Variants in ADAM18 observed in about 807,000 individuals in gnomAD.
ADAM18 encodes the protein disintegrin and metalloproteinase domain-containing protein 18.
ADAM18 carries 117 observed loss-of-function variants against 94.4 expected under a neutral mutation model. The observed-to-expected ratio is 1.24, with a 90% CI of 1.07 to 1.45. The LOEUF (loss-of-function observed/expected upper bound fraction) is 1.45, where lower values mean the gene tolerates loss of function less well. ADAM18 is among the 40% of genes most tolerant of loss of function. ADAM18 has a pLI of 0.00. For synonymous variants in ADAM18, 327 were observed against 291.6 expected (o/e 1.12, Z -1.24); for missense variants, 936 against 880.0 (o/e 1.06, Z -0.81).
chr8:39,648,154 T>C (rs971699058), intron 11 of ADAM18, among the ~76,000 whole-genome samples, 190 bp from the exon 12 acceptor site: 3 of 152,220 alleles, frequency 2.0e-5, no homozygotes, highest in Non-Finnish European at 4.4e-5. Context: ...AAATAGGTTT[T>C]TAATGCAATT....
At chr8:39,613,316 A>G (rs1819336126) in intron 6 of ADAM18, among the ~76,000 whole-genome samples, 3 of 152,344 alleles carry the variant, frequency 2.0e-5, no homozygotes, top group East Asian at 3.9e-4. Flanking sequence ...GAACAAAGCC[A>G]TGGGCCTGAT....
chr8:39,603,034 T>C (rs1401415998), intron 2 of ADAM18, among the ~76,000 whole-genome samples: 1 of 150,046 alleles, frequency 6.7e-6, no homozygotes, highest in African/African-American at 2.4e-5. Flanking sequence ...AATTGTTCTA[T>C]CTTGCACACT....
intron 10 of ADAM18, among the ~76,000 whole-genome samples, chr8:39,640,452 A>G (rs141758614): frequency 3.9e-5 from 6 of 152,030 alleles, no homozygotes; most frequent in East Asian, 1.9e-4. Flanking sequence ...GGTTGATTCA[A>G]TGTCTTTGCT....
At chr8:39,614,236 A>C (rs1314181185) in intron 6 of ADAM18, among the ~76,000 whole-genome samples, 1 of 152,198 alleles carries the variant, frequency 6.6e-6, no homozygotes, top group African/African-American at 2.4e-5. Flanking sequence ...GGGACAGGCC[A>C]CCTACAAAGA....
At chr8:39,637,371 A>G (rs772274952) in intron 8 of ADAM18, 36 bp downstream of exon 8, 16 of 1,565,474 alleles carry the variant, frequency 1.0e-5, no homozygotes, top group Non-Finnish European at 1.2e-5. Context: ...CATTTTCATG[A>G]AAGTTTCTTT....
At chr8:39,618,680 C>T (rs1819519164) in intron 6 of ADAM18, among the ~76,000 whole-genome samples, 1 of 152,140 alleles carries the variant, frequency 6.6e-6, no homozygotes, top group Non-Finnish European at 1.5e-5. Context: ...AGAGCCGTGG[C>T]AAGATGAGGG....
chr8:39,636,926 A>C (rs1429586121), intron 7 of ADAM18, among the ~76,000 whole-genome samples: 2 of 150,722 alleles, frequency 1.3e-5, no homozygotes, highest in Non-Finnish European at 3.0e-5. Flanking sequence ...GGCTTATTTC[A>C]CTTAGCATAA....
intron 17 of ADAM18, among the ~76,000 whole-genome samples, chr8:39,700,216 A>G (rs2129581097): frequency 6.6e-6 from 1 of 152,352 alleles, no homozygotes; most frequent in South Asian, 2.1e-4. Flanking sequence ...AGAAATTTTA[A>G]CATCAAATTT....
At chr8:39,725,319 A>G (rs1483494481) in intron 19 of ADAM18, among the ~76,000 whole-genome samples, 2 of 152,118 alleles carry the variant, frequency 1.3e-5, no homozygotes, top group African/African-American at 4.8e-5. Flanking sequence ...CCCAAATTTT[A>G]TATTATTGTT....
At chr8:39,589,755 G>A (rs1295934235) in intron 2 of ADAM18, among the ~76,000 whole-genome samples, 1 of 151,934 alleles carries the variant, frequency 6.6e-6, no homozygotes, top group Non-Finnish European at 1.5e-5. Context: ...GTACTCCTGA[G>A]TCATATTCTA....
intron 2 of ADAM18, among the ~76,000 whole-genome samples, chr8:39,591,196 T>C (rs1376772070): frequency 6.6e-6 from 1 of 152,200 alleles, no homozygotes; most frequent in East Asian, 1.9e-4. Flanking sequence ...TGCTGACTGA[T>C]CAGGGTGGTG....
At chr8:39,630,250 C>G (rs1819895956) in intron 7 of ADAM18, among the ~76,000 whole-genome samples, 1 of 151,402 alleles carries the variant, frequency 6.6e-6, no homozygotes, top group South Asian at 2.1e-4. Flanking sequence ...TATATATTTA[C>G]TAAATGCAAA....
chr8:39,606,697 G>A (rs1046337296), intron 3 of ADAM18, among the ~76,000 whole-genome samples: 1 of 152,086 alleles, frequency 6.6e-6, no homozygotes, highest in African/African-American at 2.4e-5. Flanking sequence ...ACTGGTGTCC[G>A]TGTGAAGAGA....
At chr8:39,666,856 C>T (rs572700844) in intron 13 of ADAM18, among the ~76,000 whole-genome samples, 8 of 151,960 alleles carry the variant, frequency 5.3e-5, no homozygotes, top group South Asian at 2.1e-4. Context: ...ACAGCCAAAC[C>T]GTATGAAGTA....
At chr8:39,633,419 A>C (rs972723770) in intron 7 of ADAM18, among the ~76,000 whole-genome samples, 1 of 152,212 alleles carries the variant, frequency 6.6e-6, no homozygotes, top group Non-Finnish European at 1.5e-5. Flanking sequence ...GAAGTTGTGA[A>C]TCTTTTTAGA....
chr8:39,648,756 C>A (rs565594422), intron 12 of ADAM18, among the ~76,000 whole-genome samples: 5 of 152,218 alleles, frequency 3.3e-5, no homozygotes, highest in African/African-American at 1.2e-4. Flanking sequence ...GCCAATCATG[C>A]CAGCAGATTG....
At chr8:39,648,599 G>A (rs1820448396) in intron 12 of ADAM18, 72 bp downstream of exon 12, 1 of 1,362,642 alleles carries the variant, frequency 7.3e-7, no homozygotes, top group Non-Finnish European at 1.0e-6. Flanking sequence ...GTTTGTCATG[G>A]TATATATAAA....
Position 39,729,903 on chromosome 8 carries a change from C to G in ADAM18, c.2183C>G (p.Ser728Ter). ...TCTGTTTTTCTTCACTATAGTAATTCATCCGTTGTATCAGAAAGCGATGAC... is the reference window on the plus strand; with the variant it reads ...TCTGTTTTTCTTCACTATAGTAATTGATCCGTTGTATCAGAAAGCGATGAC... ...NRENAEYNRN[S>*]SVVSESDDVG... is the part of the protein sequence containing the mutation. The change falls in exon 20 of 20, where the codon TCA (serine) becomes TGA (stop). Residue 728 changes from serine to a stop codon, truncating the protein, a stop_gained. Transcript: ENST00000265707. LOFTEE classifies it low-confidence loss of function (END_TRUNC). The G allele has an allele frequency of 6.2e-7, 1 of 1,612,970 alleles. No individual in the cohort carries two copies. The highest frequency in any genetic ancestry group is 1.1e-5 in the South Asian group (1 of 91,000).
At chr8:39,672,359 C>T (rs1464209584) in intron 14 of ADAM18, among the ~76,000 whole-genome samples, 1 of 152,134 alleles carries the variant, frequency 6.6e-6, no homozygotes, top group Non-Finnish European at 1.5e-5. Flanking sequence ...CTGGAAAAAT[C>T]AAGACCAGAT....
Sources: allele counts gnomAD v4.1 joint callset (sites outside exome capture counted in the v4.1 genomes callset), GRCh38; gene constraint gnomAD v4.1.1; transcripts MANE v1.5; gene names NCBI Gene and HGNC (gene_info 2026-07-23, HGNC 2026-07-21).